The following MKRN2 variants were observed in gnomAD, a reference collection of about 807,000 sequenced individuals.
MKRN2 encodes E3 ubiquitin-protein ligase makorin-2.
MKRN2 carries 32 observed loss-of-function variants against 45.4 expected under a neutral mutation model. The ratio of observed to expected loss-of-function variants is 0.70; its 90% CI spans 0.53 to 0.95. The LOEUF is 0.95. Among genes scored for constraint, MKRN2 ranks in the 40% least tolerant of loss-of-function variants. The pLI, the probability that MKRN2 is intolerant of heterozygous loss-of-function variation, is 0.00. For missense variants in MKRN2, 526 were observed against 536.7 expected (o/e 0.98, Z 0.20); for synonymous variants, 206 against 192.4 (o/e 1.07, Z -0.59).
At chr3:12,565,303 G>A (rs1419305618) in intron 1 of MKRN2, among the ~76,000 whole-genome samples, 3 of 152,056 alleles carry the variant, frequency 2.0e-5, no homozygotes, top group Non-Finnish European at 4.4e-5. Flanking sequence ...TTGTTTTCTC[G>A]AGATGTCTTT....
Position 12,572,185 on chromosome 3 carries a change from A to G in MKRN2, c.454A>G (p.Arg152Gly), listed in dbSNP as rs1474768891. The G allele has an allele frequency of 1.2e-6, 2 of 1,614,044 alleles. No homozygotes were observed. Among genetic ancestry groups the G allele is most frequent in the Non-Finnish European group, 1.7e-6 (2 of 1,179,990 alleles). Residue 152 changes from arginine (R) to glycine (G), a missense_variant, in exon 4 of 8, where the codon AGG (arginine) becomes GGG (glycine). By Grantham distance (125) the Arg-to-Gly change is moderately radical. Coordinates refer to ENST00000170447, the MANE Select transcript of MKRN2 (RefSeq NM_014160.5). ...GCCGCATTCCTACCTGGATGCCATC[A>G]GGAGTGGCCTTGATGACGTGGAGGC... ...MKPHSYLDAI[R>G]SGLDDVEASS...
rs1481289435 is a variant in MKRN2 at position 12,583,541 on chromosome 3, C to A, written c.*1288C>A. The A allele has an allele frequency of 3.3e-5, 7 of 213,482 alleles. No individual in the cohort carries two copies. Among genetic ancestry groups the A allele is most frequent in the African/African-American group, 6.8e-5 (3 of 44,186 alleles). 13.2% of individuals were successfully genotyped at this position (213,482 alleles called of 1,614,324 possible). On this transcript the variant is annotated 3_prime_UTR_variant, in exon 8 of 8. Transcript: ENST00000170447. ...GAATTCTGCTCCTGAAGAGGGTGAA[C>A]AAATGGGGCATTCAAGTTGTGAGCT...
chr3:12,575,600 G>T (rs894085331), intron 5 of MKRN2, among the ~76,000 whole-genome samples: 1 of 152,144 alleles, frequency 6.6e-6, no homozygotes, highest in Non-Finnish European at 1.5e-5. Flanking sequence ...ACCCTCCTCA[G>T]TTACAGATTA....
chr3:12,579,665 G>A (rs569293201), intron 6 of MKRN2, among the ~76,000 whole-genome samples: 1 of 152,284 alleles, frequency 6.6e-6, no homozygotes, highest in South Asian at 2.1e-4. Context: ...GGAAGGACAT[G>A]GGCACAGAAG....
intron 5 of MKRN2, among the ~76,000 whole-genome samples, chr3:12,576,203 G>A (rs929367802): frequency 4.5e-4 from 67 of 148,648 alleles, no homozygotes; most frequent in African/African-American, 1.6e-3. Context: ...GTGTGTGTGT[G>A]TGTGTGTGTG....
intron 1 of MKRN2, among the ~76,000 whole-genome samples, chr3:12,562,809 G>A (rs1169955305): frequency 6.6e-6 from 1 of 151,838 alleles, no homozygotes; most frequent in Non-Finnish European, 1.5e-5. Context: ...AATGCCTGAT[G>A]AACTGTCACT....
intron 6 of MKRN2, among the ~76,000 whole-genome samples, chr3:12,581,250 C>T (rs114955956): frequency 2.8e-4 from 43 of 152,258 alleles, no homozygotes; most frequent in African/African-American, 9.9e-4. Flanking sequence ...GCACATAAGG[C>T]GTGAAGAAGC....
chr3:12,566,305 C>T (rs1292285650), intron 1 of MKRN2, among the ~76,000 whole-genome samples: 1 of 152,220 alleles, frequency 6.6e-6, no homozygotes, highest in Non-Finnish European at 1.5e-5. Context: ...TTTCCCTTCT[C>T]TTAAGGACCA....
At chr3:12,557,372 C>T (rs1460611144) in intron 1 of MKRN2, among the ~76,000 whole-genome samples, 196 bp downstream of exon 1, 2 of 152,208 alleles carry the variant, frequency 1.3e-5, no homozygotes, top group African/African-American at 2.4e-5. Flanking sequence ...GTGGCCGAGA[C>T]GCTGGGCGAG....
chr3:12,570,483 T>C (rs2058092105), intron 3 of MKRN2, among the ~76,000 whole-genome samples: 1 of 152,172 alleles, frequency 6.6e-6, no homozygotes, highest in South Asian at 2.1e-4. Flanking sequence ...AAGACTGGCC[T>C]GGTAAAACAT....
intron 6 of MKRN2, among the ~76,000 whole-genome samples, 200 bp from the exon 7 acceptor site, chr3:12,581,608 A>G (rs142761723): frequency 8.5e-4 from 130 of 152,274 alleles, no homozygotes; most frequent in Non-Finnish European, 1.6e-3. Context: ...GATACTTCCT[A>G]TCCTGCTTGG....
chr3:12,561,700 G>C (rs1034390552), intron 1 of MKRN2, among the ~76,000 whole-genome samples: 1 of 151,954 alleles, frequency 6.6e-6, no homozygotes, highest in African/African-American at 2.4e-5. Context: ...CTTTGAACCT[G>C]TCCTCTTTCA....
intron 6 of MKRN2, among the ~76,000 whole-genome samples, chr3:12,580,976 C>T (rs894469980): frequency 3.3e-5 from 5 of 152,106 alleles, no homozygotes; most frequent in South Asian, 2.1e-4. Context: ...CTCTGTACTC[C>T]GAGATGGCCC....
intron 5 of MKRN2, among the ~76,000 whole-genome samples, chr3:12,575,744 C>A (rs1057228844): frequency 6.6e-6 from 1 of 152,226 alleles, no homozygotes; most frequent in Non-Finnish European, 1.5e-5. Flanking sequence ...GTTGCCTATT[C>A]TGGACACTTC....
At position 12,572,071 on chromosome 3, in the gene MKRN2, C is replaced by G. The variant is rs760980014; in HGVS notation, c.340C>G (p.Leu114Val). 1.3e-6 allele frequency: 2 copies of G among 1,595,250 alleles called. No homozygotes were observed. The highest frequency in any genetic ancestry group is 1.7e-6 in the Non-Finnish European group (2 of 1,169,232). Residue 114 changes from leucine (L) to valine (V), a missense_variant and splice_region_variant, in exon 4 of 8, where the codon CTC (leucine) becomes GTC (valine). Leu to Val is a conservative substitution (Grantham distance 32). Transcript: ENST00000170447. ...KRTLVLRDRN[L>V]SGMAERKTQP... is the part of the protein sequence containing the mutation. Reference sequence around the variant, plus strand: ...TGTGTGCTGTGTGTTGTTTTCAGATCTCTCTGGCATGGCTGAAAGGAAGAC... The same window carrying G: ...TGTGTGCTGTGTGTTGTTTTCAGATGTCTCTGGCATGGCTGAAAGGAAGAC...
intron 1 of MKRN2, 51 bp downstream of exon 1, chr3:12,557,227 G>C (rs747581485): frequency 2.0e-6 from 3 of 1,520,910 alleles, no homozygotes; most frequent in South Asian, 2.4e-5. Context: ...GGCCGCAGGG[G>C]GGCCGGTGCG....
chr3:12,569,258 T>C (rs540308131), intron 2 of MKRN2, among the ~76,000 whole-genome samples: 2 of 151,018 alleles, frequency 1.3e-5, no homozygotes, highest in East Asian at 3.9e-4. Context: ...GCCTCCAGGG[T>C]TCTCCTGCCT....
rs1257082459 is a variant in MKRN2, at chr3:12,583,571, A to ATTACT, written c.*1322_*1326dup. On this transcript the variant is annotated 3_prime_UTR_variant, in exon 8 of 8. Transcript: ENST00000170447. The stretch of plus-strand genomic sequence containing the variant: ...GGGGCATTCAAGTTGTGAGCTCAGA[A>ATTACT]TTACTTTAAAAGGAGGTAACAGCCA... The ATTACT allele has an allele frequency of 4.5e-6, 1 of 223,716 alleles. No individual in the cohort carries two copies. Among genetic ancestry groups the ATTACT allele is most frequent in the Middle Eastern group, 1.3e-3 (1 of 744 alleles). The allele number at this position is 223,716 out of a possible 1,614,324, so 13.9% of individuals were successfully genotyped here.
At chr3:12,568,760 G>A in intron 1 of MKRN2, 115 bp from the exon 2 acceptor site, 1 of 1,384,626 alleles carries the variant, frequency 7.2e-7, no homozygotes, top group Non-Finnish European at 9.8e-7. Context: ...GCCTAATAGA[G>A]CCTTTATACA....
Sources: gnomAD v4.1 joint callset for allele counts (sites outside exome capture counted in the v4.1 genomes callset) on GRCh38, gnomAD v4.1.1 for gene constraint, MANE v1.5 for transcripts, NCBI Gene and HGNC (gene_info 2026-07-23, HGNC 2026-07-21) for gene names.